The following GGA2 variants were observed in gnomAD, a reference collection of about 807,000 sequenced individuals.
GGA2 encodes ADP-ribosylation factor-binding protein GGA2.
In GGA2, 48 loss-of-function variants were observed where a neutral mutation model predicts 79.5. That is an observed-to-expected ratio of 0.60 (90% confidence interval 0.48 to 0.77). The LOEUF (loss-of-function observed/expected upper bound fraction) is 0.77. GGA2 is among the 30% of genes least tolerant of loss of function. The pLI, the probability that GGA2 is intolerant of heterozygous loss-of-function variation, is 0.00. For missense variants in GGA2, 770 were observed against 774.0 expected (o/e 0.99, Z 0.06); for synonymous variants, 317 against 302.0 (o/e 1.05, Z -0.51).
At chr16:23,517,898 CTATT>C (rs934775263) in intron 2 of GGA2, among the ~76,000 whole-genome samples, 10 of 144,850 alleles carry the variant, frequency 6.9e-5, no homozygotes, top group East Asian at 6.3e-4. Context: ...CGCGCCTGGC[CTATT>C]TATTTATTTA....
chr16:23,511,675 G>A (rs897865822), upstream of GGA2, among the ~76,000 whole-genome samples: 12 of 151,856 alleles, frequency 7.9e-5, no homozygotes, highest in Non-Finnish European at 1.5e-4. Flanking sequence ...GTACACCATC[G>A]ATGTATTATT....
intron 8 of GGA2, 27 bp from the exon 9 acceptor site, chr16:23,483,031 C>A (rs761657734): frequency 6.6e-7 from 1 of 1,514,718 alleles, no homozygotes; most frequent in African/African-American, 1.4e-5. Context: ...TGGTTCATGA[C>A]ACACGCCCAG....
intron 1 of GGA2, among the ~76,000 whole-genome samples, chr16:23,500,127 T>C (rs1007917661): frequency 4.6e-5 from 7 of 152,196 alleles, no homozygotes; most frequent in Non-Finnish European, 1.0e-4. Context: ...ACCAAACAGG[T>C]TCCCAAGGGA....
intron 1 of GGA2, among the ~76,000 whole-genome samples, chr16:23,499,833 A>C (rs949621215): frequency 1.3e-5 from 2 of 152,166 alleles, no homozygotes; most frequent in African/African-American, 4.8e-5. Context: ...GAAACCTGAA[A>C]GCTCCCAGCA....
At chr16:23,515,422 C>A (rs902181435), upstream of GGA2, among the ~76,000 whole-genome samples, 2 of 151,518 alleles carry the variant, frequency 1.3e-5, no homozygotes, top group East Asian at 1.9e-4. Context: ...CATGACAAAA[C>A]CCCTTCTCTA....
chr16:23,467,231 AAC>A lies in GGA2; in HGVS notation c.*357_*358del, dbSNP rs1190422491. 4.7e-6 allele frequency: 1 copy of A among 214,804 alleles called. No individual in the cohort carries two copies. Among genetic ancestry groups the A allele is most frequent in the African/African-American group, 2.3e-5 (1 of 43,754 alleles). The allele number at this position is 214,804 out of a possible 1,614,324, so 13.3% of individuals were successfully genotyped here. A position where few individuals can be genotyped will look rare whatever the true frequency, so the allele number is the denominator to read the frequency against. On this transcript the variant is annotated 3_prime_UTR_variant, in exon 17 of 17. Transcript: ENST00000309859. ...AATGGAACGAACGATACATGAAAAAAACACTTTGGCTGATAAAACCTCCAACC... is the reference window on the plus strand; with the variant it reads ...AATGGAACGAACGATACATGAAAAAAACTTTGGCTGATAAAACCTCCAACC...
At chr16:23,483,141 G>A in intron 8 of GGA2, 137 bp from the exon 9 acceptor site, 1 of 643,766 alleles carries the variant, frequency 1.6e-6, no homozygotes, top group Non-Finnish European at 2.8e-6. Context: ...CTGACTTAGA[G>A]ACTGCAGTTT....
At chr16:23,492,615 G>C (rs1277714401) in intron 4 of GGA2, among the ~76,000 whole-genome samples, 1 of 152,146 alleles carries the variant, frequency 6.6e-6, no homozygotes, top group East Asian at 1.9e-4. Flanking sequence ...GCCCCACCAA[G>C]ACCTTGCCTA....
At position 23,504,496 on chromosome 16, in the gene GGA2, C is replaced by T. The variant is rs143217445; in HGVS notation, c.91+5825G>A. On this transcript the variant is annotated intron_variant, in intron 1 of 16. Transcript: ENST00000309859. The stretch of plus-strand genomic sequence containing the variant: ...GCCAGCTGGCTGGACATACTGATAA[C>T]ACGGAGAGATGGCTATCTCAGTTCT... Among the ~76,000 whole-genome samples, 1,490 of 152,332 alleles carry T rather than the reference C, an allele frequency of 9.8e-3. 17 individuals carry two copies. Among genetic ancestry groups the T allele is most frequent in the Non-Finnish European group, 0.014 (922 of 68,032 alleles).
At chr16:23,510,267 C>A in intron 1 of GGA2, 54 bp downstream of exon 1, 1 of 1,176,912 alleles carries the variant, frequency 8.5e-7, no homozygotes. Context: ...AGGCGGGAAG[C>A]GAGGCCTCAC....
intron 1 of GGA2, among the ~76,000 whole-genome samples, chr16:23,504,745 T>C (rs1964956057): frequency 6.6e-6 from 1 of 152,226 alleles, no homozygotes; most frequent in South Asian, 2.1e-4. Flanking sequence ...TGTTTTGGGC[T>C]ATCCCAGACT....
chr16:23,522,094 G>T (rs568986406), upstream of GGA2: 13 of 296,476 alleles, frequency 4.4e-5, no homozygotes, highest in Non-Finnish European at 8.8e-5. Flanking sequence ...AGAGGGTGAG[G>T]CTCATATAAG....
upstream of GGA2, chr16:23,524,137 G>A (rs1433941708): frequency 5.2e-6 from 3 of 576,356 alleles, no homozygotes; most frequent in Non-Finnish European, 9.3e-6. Flanking sequence ...ACCAGACCCG[G>A]AGAATGCCTT....
At chr16:23,515,348 G>T (rs143313445), upstream of GGA2, among the ~76,000 whole-genome samples, 781 of 151,706 alleles carry the variant, frequency 5.1e-3, 8 homozygotes, top group African/African-American at 0.018. Context: ...TGTAATCCCA[G>T]CACTTTGGGA....
chr16:23,491,585 C>G, intron 5 of GGA2, 92 bp downstream of exon 5: 1 of 1,061,114 alleles, frequency 9.4e-7, no homozygotes, highest in South Asian at 1.4e-5. Flanking sequence ...ATAAGAAGTA[C>G]AGCTTTCAAC....
chr16:23,517,195 T>C (rs1346558671), intron 2 of GGA2, among the ~76,000 whole-genome samples: 1 of 152,096 alleles, frequency 6.6e-6, no homozygotes, highest in East Asian at 1.9e-4. Flanking sequence ...TAGGTGGGAC[T>C]ATAGGCACAT....
chr16:23,513,812 AG>A (rs1459217355), upstream of GGA2, among the ~76,000 whole-genome samples: 45 of 149,286 alleles, frequency 3.0e-4, no homozygotes, highest in African/African-American at 1.0e-3. Flanking sequence ...AAAGAAAAAA[AG>A]AAAAGAAAAG....
intron 15 of GGA2, 98 bp from the exon 16 acceptor site, chr16:23,469,094 C>G (rs1007254975): frequency 2.7e-6 from 2 of 745,514 alleles, no homozygotes; most frequent in African/African-American, 3.4e-5. Flanking sequence ...AACACCCCTC[C>G]AAGAGGAAAT....
chr16:23,493,982 T>C (rs986892221), intron 3 of GGA2: 8 of 384,304 alleles, frequency 2.1e-5, no homozygotes, highest in Non-Finnish European at 2.4e-5. Flanking sequence ...CAACAGCTAG[T>C]GGGCCCTGTG....
Sources: allele counts gnomAD v4.1 joint callset (sites outside exome capture counted in the v4.1 genomes callset), GRCh38; gene constraint gnomAD v4.1.1; transcripts MANE v1.5; gene names NCBI Gene and HGNC (gene_info 2026-07-23, HGNC 2026-07-21).